CTNNA2: variants seen among roughly 807,000 people sequenced by gnomAD.
CTNNA2 encodes the protein catenin alpha 2.
Under a neutral mutation model 101.0 loss-of-function variants are expected in CTNNA2, and 42 were observed. The ratio of observed to expected loss-of-function variants is 0.42; its 90% CI spans 0.32 to 0.54. The LOEUF is 0.54. CTNNA2 is among the 20% of genes least tolerant of loss of function. CTNNA2 has a pLI of 0.14. For missense variants in CTNNA2, 871 were observed against 1,223.1 expected (o/e 0.71, Z 4.29); for synonymous variants, 450 against 456.4 (o/e 0.99, Z 0.18).
At chr2:80,099,787 A>G (rs554564443) in intron 7 of CTNNA2, among the ~76,000 whole-genome samples, 18 of 151,312 alleles carry the variant, frequency 1.2e-4, no homozygotes, top group African/African-American at 3.9e-4. Context: ...TCAAACTGTG[A>G]TCTGGAGACA....
chr2:79,295,503 T>TC (rs1675956916), intron 2 of CTNNA2, among the ~76,000 whole-genome samples: 1 of 152,072 alleles, frequency 6.6e-6, no homozygotes, highest in Admixed American at 6.6e-5. Flanking sequence ...TTCTTTTTTT[T>TC]CTTTTTCTTT....
chr2:80,267,424 A>G (rs1673085801), intron 7 of CTNNA2, among the ~76,000 whole-genome samples: 1 of 152,244 alleles, frequency 6.6e-6, no homozygotes, highest in Non-Finnish European at 1.5e-5. Context: ...TCTTGGACCC[A>G]GTACCTGATG....
chr2:80,492,020 T>C (rs955568881), intron 9 of CTNNA2, among the ~76,000 whole-genome samples: 31 of 152,258 alleles, frequency 2.0e-4, no homozygotes, highest in African/African-American at 7.2e-4. Flanking sequence ...ATTTTTTGTC[T>C]GGGAATGGAA....
intron 6 of CTNNA2, among the ~76,000 whole-genome samples, chr2:79,891,828 T>C (rs537594384): frequency 3.4e-4 from 52 of 152,246 alleles, no homozygotes; most frequent in African/African-American, 1.2e-3. Context: ...AAAATATATA[T>C]ATATATGTCA....
At chr2:80,258,768 G>A (rs1672369174) in intron 7 of CTNNA2, among the ~76,000 whole-genome samples, 1 of 152,140 alleles carries the variant, frequency 6.6e-6, no homozygotes, top group Non-Finnish European at 1.5e-5. Flanking sequence ...CTGGTCGGAA[G>A]GCAGTTGCTG....
chr2:79,576,309 G>A (rs1300351209), intron 1 of CTNNA2, among the ~76,000 whole-genome samples: 1 of 152,162 alleles, frequency 6.6e-6, no homozygotes, highest in African/African-American at 2.4e-5. Context: ...AGTTAAAGGA[G>A]AGTTTATGGG....
intron 3 of CTNNA2, among the ~76,000 whole-genome samples, chr2:79,750,745 C>A (rs1671972189): frequency 6.6e-6 from 1 of 151,970 alleles, no homozygotes; most frequent in South Asian, 2.1e-4. Context: ...GTGGCAGGCA[C>A]CTGTAGTCCC....
intron 4 of CTNNA2, among the ~76,000 whole-genome samples, chr2:79,860,302 G>A (rs561966341): frequency 6.6e-6 from 1 of 152,120 alleles, no homozygotes; most frequent in South Asian, 2.1e-4. Context: ...GTTGTGGAAG[G>A]CCCTGTCAGC....
chr2:79,393,986 T>TGACAG (rs1678202260), intron 4 of CTNNA2, among the ~76,000 whole-genome samples: 1 of 152,000 alleles, frequency 6.6e-6, no homozygotes, highest in South Asian at 2.1e-4. Context: ...GTTCAATTGC[T>TGACAG]GACAGGAATC....
intron 7 of CTNNA2, among the ~76,000 whole-genome samples, chr2:80,065,405 C>G (rs958337115): frequency 6.6e-6 from 1 of 150,472 alleles, no homozygotes; most frequent in Admixed American, 6.6e-5. Flanking sequence ...TGTCACCAGG[C>G]TGGAGTGCAG....
intron 7 of CTNNA2, among the ~76,000 whole-genome samples, chr2:80,356,139 T>C (rs1673773350): frequency 1.3e-5 from 2 of 152,170 alleles, no homozygotes; most frequent in Non-Finnish European, 2.9e-5. Context: ...ATAGGGAACA[T>C]GCCTGCTGGG....
chr2:79,408,446 C>A, intron 4 of CTNNA2, among the ~76,000 whole-genome samples: 1 of 119,918 alleles, frequency 8.3e-6, no homozygotes, highest in Non-Finnish European at 1.7e-5. Context: ...TAATGCTATC[C>A]CTCCCCCCTC....
chr2:80,196,454 G>T (rs1000632889), intron 7 of CTNNA2, among the ~76,000 whole-genome samples: 1 of 152,146 alleles, frequency 6.6e-6, no homozygotes, highest in African/African-American at 2.4e-5. Context: ...AAACTTGCAT[G>T]TCACAACTAA....
At chr2:80,111,337 G>T (rs543737219) in intron 7 of CTNNA2, among the ~76,000 whole-genome samples, 18 of 152,284 alleles carry the variant, frequency 1.2e-4, no homozygotes, top group Admixed American at 4.6e-4. Flanking sequence ...GCCTGCCTGG[G>T]GGCTATGACT....
intron 7 of CTNNA2, among the ~76,000 whole-genome samples, chr2:80,247,596 C>G (rs1671426087): frequency 6.6e-6 from 1 of 152,178 alleles, no homozygotes; most frequent in Non-Finnish European, 1.5e-5. Context: ...CTGCTTTTCT[C>G]TCTCTCTCTT....
intron 7 of CTNNA2, among the ~76,000 whole-genome samples, chr2:80,336,611 C>T (rs1671785013): frequency 6.6e-6 from 1 of 152,294 alleles, no homozygotes; most frequent in Non-Finnish European, 1.5e-5. Flanking sequence ...CTATGCATCT[C>T]AAACCCCTAT....
At chr2:79,549,592 G>T (rs115896571) in intron 1 of CTNNA2, among the ~76,000 whole-genome samples, 399 of 152,208 alleles carry the variant, frequency 2.6e-3, no homozygotes, top group African/African-American at 8.9e-3. Context: ...AAAATGATAT[G>T]TTAATCAGCT....
intron 2 of CTNNA2, among the ~76,000 whole-genome samples, chr2:79,307,876 T>C (rs1676282241): frequency 6.6e-6 from 1 of 152,164 alleles, no homozygotes; most frequent in Non-Finnish European, 1.5e-5. Context: ...CTCACCAACA[T>C]TTGTTTTTTT....
intron 7 of CTNNA2, among the ~76,000 whole-genome samples, chr2:79,949,229 A>G (rs1273958242): frequency 6.6e-6 from 1 of 152,160 alleles, no homozygotes; most frequent in East Asian, 1.9e-4. Context: ...AGGAGCAAGT[A>G]TGTTATGACC....
Sources: gnomAD v4.1 joint callset for allele counts (sites outside exome capture counted in the v4.1 genomes callset) on GRCh38, gnomAD v4.1.1 for gene constraint, MANE v1.5 for transcripts, NCBI Gene and HGNC (gene_info 2026-07-23, HGNC 2026-07-21) for gene names.